SLIT3: variants seen among roughly 807,000 people sequenced by gnomAD.
SLIT3 encodes slit homolog 3 protein.
SLIT3 carries 68 observed loss-of-function variants against 184.0 expected under a neutral mutation model. The ratio of observed to expected loss-of-function variants is 0.37; its 90% CI spans 0.30 to 0.45. The LOEUF is 0.45. Ranked by LOEUF, SLIT3 falls within the 20% of genes least tolerant of loss-of-function variation. The probability of loss-of-function intolerance (pLI) is 1.00; values close to 1 mark genes in which losing one functional copy is unlikely to be tolerated. For synonymous variants in SLIT3, 831 were observed against 828.6 expected (o/e 1.00, Z -0.05); for missense variants, 1,707 against 2,026.0 (o/e 0.84, Z 3.02).
Position 168,883,251 on chromosome 5 carries a change from A to G in SLIT3, c.485+14T>C, listed in dbSNP as rs1331375421. 2 of 1,611,132 alleles carry G rather than the reference A, an allele frequency of 1.2e-6. No homozygotes were observed. Among genetic ancestry groups the G allele is most frequent in the Admixed American group, 3.3e-5 (2 of 60,024 alleles). On this transcript the variant is annotated intron_variant, in intron 5 of 35. Transcript: ENST00000519560. ...TAGCCACATACGTAGTGAAGCAAGGAAAACATCACTTACAGGTTCTTCACA... is the reference window on the plus strand; with the variant it reads ...TAGCCACATACGTAGTGAAGCAAGGGAAACATCACTTACAGGTTCTTCACA...
At chr5:169,141,878 C>T (rs1263950174) in intron 4 of SLIT3, among the ~76,000 whole-genome samples, 1 of 150,794 alleles carries the variant, frequency 6.6e-6, no homozygotes, top group African/African-American at 2.4e-5. Flanking sequence ...GGTGAAAACC[C>T]ATCTCTACTA....
chr5:168,754,204 C>A (rs983622897), intron 16 of SLIT3, among the ~76,000 whole-genome samples, 197 bp from the exon 17 acceptor site: 2 of 151,934 alleles, frequency 1.3e-5, no homozygotes, highest in Admixed American at 1.3e-4. Flanking sequence ...GGACCCTGGC[C>A]CTATACAGGT....
intron 4 of SLIT3, among the ~76,000 whole-genome samples, chr5:168,940,436 G>A (rs768570351): frequency 2.5e-4 from 38 of 151,974 alleles, no homozygotes; most frequent in Non-Finnish European, 2.2e-4. Context: ...CTATTTAAAT[G>A]ACATCGCTGA....
Position 168,817,438 on chromosome 5 carries a change from A to C in SLIT3, c.655T>G (p.Cys219Gly). Residue 219 changes from cysteine to glycine, a missense_variant, in exon 8 of 36, where the codon TGC becomes GGC. Cys to Gly is a radical substitution (Grantham distance 159). Around this residue, in one of 3 missense-constraint regions of SLIT3, gnomAD observed 1,307 missense variants for 1,511.6 expected, o/e 0.86. Coordinates refer to ENST00000519560, the MANE Select transcript of SLIT3 (RefSeq NM_003062.4). Reference protein sequence around the residue: ...TLRLHSNHLYCDCHLAWLSDW... With the variant: ...TLRLHSNHLYGDCHLAWLSDW... Reference sequence around the variant, plus strand: ...GAGAGCCAGGCCAGGTGGCAGTCGCAGTACAGGTGGTTGGAGTGGAGGCGC... The same window carrying C: ...GAGAGCCAGGCCAGGTGGCAGTCGCCGTACAGGTGGTTGGAGTGGAGGCGC... 1 of 1,614,164 alleles carries C rather than the reference A, an allele frequency of 6.2e-7. No homozygotes were observed.
At chr5:169,198,566 G>A (rs936963866) in intron 3 of SLIT3, among the ~76,000 whole-genome samples, 6 of 152,174 alleles carry the variant, frequency 3.9e-5, no homozygotes, top group Non-Finnish European at 7.3e-5. Context: ...ATTTGGGTTT[G>A]GCTTTTTACA....
rs115556979 is a variant in SLIT3 at position 169,192,105 on chromosome 5, A to C, written c.413+1374T>G. Among the ~76,000 whole-genome samples the C allele has an allele frequency of 5.3e-3, 801 of 152,310 alleles. 6 individuals are homozygous for C. Among genetic ancestry groups the C allele is most frequent in the African/African-American group, 0.018 (754 of 41,576 alleles). On this transcript the variant is annotated intron_variant, in intron 4 of 35. Transcript: ENST00000519560. ...TGTTACAAACCAGGGTGTTTCTGGT[A>C]TGCCCATTTGGCATAGTTTATCCAG... is the stretch of plus-strand genomic sequence containing the variant.
At chr5:168,947,300 C>T (rs1021559304) in intron 4 of SLIT3, among the ~76,000 whole-genome samples, 4 of 152,190 alleles carry the variant, frequency 2.6e-5, no homozygotes, top group African/African-American at 9.6e-5. Flanking sequence ...CTGCCCATCA[C>T]CTTTCCCTGG....
chr5:169,207,648 A>T (rs1484361284), intron 3 of SLIT3, among the ~76,000 whole-genome samples: 2 of 152,228 alleles, frequency 1.3e-5, no homozygotes, highest in African/African-American at 4.8e-5. Context: ...CTGAATTATC[A>T]TCACTGTTCA....
At chr5:168,964,880 C>T (rs535110333) in intron 4 of SLIT3, among the ~76,000 whole-genome samples, 6 of 152,178 alleles carry the variant, frequency 3.9e-5, no homozygotes, top group African/African-American at 1.4e-4. Context: ...GCCCTTAATA[C>T]ATTTCCAGTG....
At chr5:169,207,370 T>TACACACACACACACACAC (rs56721949) in intron 3 of SLIT3, among the ~76,000 whole-genome samples, 2 of 131,864 alleles carry the variant, frequency 1.5e-5, no homozygotes, top group African/African-American at 2.9e-5. Context: ...TACACATACA[T>TACACACACACACACACAC]ACACACACAC....
At position 168,662,178 on chromosome 5, in the gene SLIT3, G is replaced by A. The variant is rs1316446099; in HGVS notation, c.*4276C>T. The A allele has an allele frequency of 6.6e-6, 1 of 152,272 alleles. No homozygotes were observed. Among genetic ancestry groups the A allele is most frequent in the Non-Finnish European group, 1.5e-5 (1 of 68,070 alleles). 9.4% of individuals were successfully genotyped at this position (152,272 alleles called of 1,614,324 possible). A position where few individuals can be genotyped will look rare whatever the true frequency, so the allele number is the denominator to read the frequency against. On this transcript the variant is annotated 3_prime_UTR_variant, in exon 36 of 36. Coordinates refer to ENST00000519560, the MANE Select transcript of SLIT3 (RefSeq NM_003062.4). Reference sequence around the variant, plus strand: ...GACACATGGGGTTAATTATCTGTGTGTCTTTGGTCTATGATCACCGCATTC... The same window carrying A: ...GACACATGGGGTTAATTATCTGTGTATCTTTGGTCTATGATCACCGCATTC...
At chr5:169,155,929 AGCAGT>A (rs1344596800) in intron 4 of SLIT3, among the ~76,000 whole-genome samples, 1 of 152,238 alleles carries the variant, frequency 6.6e-6, no homozygotes, top group Non-Finnish European at 1.5e-5. Flanking sequence ...CAGTCCAGAG[AGCAGT>A]GCTCCATAAC....
At chr5:168,978,270 T>C (rs1322799798) in intron 4 of SLIT3, among the ~76,000 whole-genome samples, 1 of 152,226 alleles carries the variant, frequency 6.6e-6, no homozygotes, top group Non-Finnish European at 1.5e-5. Context: ...AAGGTCTCAT[T>C]TCTAGTGCTA....
rs374888980 is a variant in SLIT3 at position 168,928,761 on chromosome 5, C to T, written c.414-45425G>A. 1.4e-4 allele frequency among the ~76,000 whole-genome samples: 22 copies of T among 152,298 alleles called. No individual in the cohort carries two copies. In the East Asian group the frequency reaches 3.9e-3, roughly 27 times the overall value. The stretch of plus-strand genomic sequence containing the variant: ...AGGTACTACTTTACTTAAAATAGCA[C>T]TTTTAGAGCCAAGGCACTTTCACAC... On this transcript the variant is annotated intron_variant, in intron 4 of 35. Transcript: ENST00000519560.
At chr5:168,884,581 T>TATATATATATATATATATATA (rs1760116903) in intron 4 of SLIT3, among the ~76,000 whole-genome samples, 10 of 131,572 alleles carry the variant, frequency 7.6e-5, no homozygotes, top group Non-Finnish European at 9.7e-5. Flanking sequence ...TATATATATA[T>TATATATATATATATATATATA]GAAATTCCAC....
chr5:169,145,071 C>G (rs140187761), intron 4 of SLIT3, among the ~76,000 whole-genome samples: 1 of 152,254 alleles, frequency 6.6e-6, no homozygotes, highest in East Asian at 1.9e-4. Flanking sequence ...GGGCAGCGAA[C>G]CTTGTGAGGA....
Position 168,671,251 on chromosome 5 carries a change from G to T in SLIT3, c.4074C>A (p.Gly1358=). The T allele has an allele frequency of 6.2e-7, 1 of 1,613,390 alleles. No homozygotes were observed. The highest frequency in any genetic ancestry group is 8.5e-7 in the Non-Finnish European group (1 of 1,179,884). Residue 1358 remains glycine, a synonymous_variant, in exon 34 of 36, where the codon GGC becomes GGA. Coordinates refer to ENST00000519560, the MANE Select transcript of SLIT3 (RefSeq NM_003062.4). ...KDSVVCECRP[G]WTGPLCDQEA... The stretch of plus-strand genomic sequence containing the variant: ...CCTGATCGCAGAGTGGGCCGGTCCA[G>T]CCTGGGCGGCACTCGCACACCACGC...
intron 3 of SLIT3, among the ~76,000 whole-genome samples, chr5:169,207,831 G>C (rs187862140): frequency 1.3e-4 from 20 of 152,278 alleles, no homozygotes; most frequent in Non-Finnish European, 2.5e-4. Context: ...AATGGGATTA[G>C]TGCTTCCTTG....
chr5:168,732,560 A>G (rs1763318602), intron 20 of SLIT3, among the ~76,000 whole-genome samples: 1 of 152,166 alleles, frequency 6.6e-6, no homozygotes, highest in Admixed American at 6.5e-5. Flanking sequence ...ATATTACCTG[A>G]CTTCAAATTA....
Sources: allele counts gnomAD v4.1 joint callset (sites outside exome capture counted in the v4.1 genomes callset), GRCh38; gene constraint gnomAD v4.1.1; regional missense constraint gnomAD v4.1.1; transcripts MANE v1.5; gene names NCBI Gene and HGNC (gene_info 2026-07-23, HGNC 2026-07-21).